Variants in RPAP2 observed in about 807,000 individuals in gnomAD.
RPAP2 encodes RNA polymerase II associated protein 2.
Under a neutral mutation model 73.1 loss-of-function variants are expected in RPAP2, and 52 were observed. The ratio of observed to expected loss-of-function variants is 0.71; its 90% CI spans 0.57 to 0.90. The LOEUF is 0.90. RPAP2 is among the 40% of genes least tolerant of loss of function. RPAP2 has a pLI of 0.00. For synonymous variants in RPAP2, 225 were observed against 242.1 expected (o/e 0.93, Z 0.65); for missense variants, 598 against 701.8 (o/e 0.85, Z 1.67).
intron 11 of RPAP2, among the ~76,000 whole-genome samples, chr1:92,362,892 A>T (rs1654788729): frequency 6.6e-6 from 1 of 152,124 alleles, no homozygotes. Flanking sequence ...TGCAGAAAAA[A>T]ATGTTGCTCT....
At position 92,307,492 on chromosome 1, in the gene RPAP2, A is replaced by C. The variant is rs556540984; in HGVS notation, c.488+216A>C. On this transcript the variant is annotated intron_variant, in intron 6 of 12. Transcript: ENST00000610020. ...ACAAATGTTATTTGTTTGTTGTTTT[A>C]GCTTTAATTGCAAAATCAGAACTTT... 1.8e-4 allele frequency among the ~76,000 whole-genome samples: 27 copies of C among 152,304 alleles called. No homozygotes were observed. The East Asian group carries it at 5.0e-3, about 28-fold the overall frequency.
chr1:92,316,892 ATTC>A (rs1172356297), intron 6 of RPAP2, among the ~76,000 whole-genome samples: 1 of 152,226 alleles, frequency 6.6e-6, no homozygotes, highest in Non-Finnish European at 1.5e-5. Flanking sequence ...GTCAGGTACC[ATTC>A]TTTATAGATT....
intron 3 of RPAP2, 117 bp from the exon 4 acceptor site, chr1:92,303,860 T>G: frequency 1.8e-6 from 1 of 565,682 alleles, no homozygotes; most frequent in Non-Finnish European, 2.9e-6. Flanking sequence ...CTCTAACTTA[T>G]GAGGAAGGTA....
chr1:92,322,927 CATAT>C (rs1652374371), intron 7 of RPAP2, among the ~76,000 whole-genome samples: 1 of 147,150 alleles, frequency 6.8e-6, no homozygotes, highest in African/African-American at 2.5e-5. Flanking sequence ...TTTTAAACTA[CATAT>C]ATACTTTATA....
At chr1:92,371,661 T>A (rs1655159179) in intron 11 of RPAP2, among the ~76,000 whole-genome samples, 1 of 151,548 alleles carries the variant, frequency 6.6e-6, no homozygotes, top group Non-Finnish European at 1.5e-5. Context: ...ATCTGGAGGA[T>A]GTTAAGTTAA....
chr1:92,374,240 G>C (rs981995002), intron 11 of RPAP2, among the ~76,000 whole-genome samples: 2 of 152,144 alleles, frequency 1.3e-5, no homozygotes, highest in Non-Finnish European at 2.9e-5. Flanking sequence ...TCTAGGAAGG[G>C]AGGAAGTGAT....
intron 10 of RPAP2, among the ~76,000 whole-genome samples, chr1:92,345,456 A>AGAGG (rs1491124615): frequency 7.7e-6 from 1 of 129,230 alleles, no homozygotes; most frequent in East Asian, 2.7e-4. Context: ...AGGGAGGGAC[A>AGAGG]GAGGGAGGGA....
chr1:92,329,622 A>G (rs934985897), intron 8 of RPAP2, among the ~76,000 whole-genome samples: 2 of 152,126 alleles, frequency 1.3e-5, no homozygotes, highest in Admixed American at 6.5e-5. Context: ...GAGTCTCCAC[A>G]TGCCGCTCTG....
intron 8 of RPAP2, among the ~76,000 whole-genome samples, chr1:92,331,738 T>C (rs1652981429): frequency 6.6e-6 from 1 of 152,166 alleles, no homozygotes; most frequent in South Asian, 2.1e-4. Context: ...TACTCTTTCA[T>C]TGTTTTTCAT....
Position 92,307,206 on chromosome 1 carries a change from T to C in RPAP2, c.418T>C (p.Cys140Arg). ...TERKSFCSNF[C>R]YQASKFFEAQ... ...TTTTCAGTCTTTTTGCAGCAATTTTTGTTATCAAGCATCTAAGTTTTTTGA... is the reference window on the plus strand; with the variant it reads ...TTTTCAGTCTTTTTGCAGCAATTTTCGTTATCAAGCATCTAAGTTTTTTGA... The change falls in exon 6 of 13, where the codon TGT becomes CGT. Residue 140 changes from cysteine (C) to arginine (R), a missense_variant. Physicochemically the swap from Cys to Arg is radical, Grantham distance 180. This residue lies in a region of RPAP2 where 506 missense variants were observed against 612.8 expected (regional missense o/e 0.83). Coordinates refer to ENST00000610020, the MANE Select transcript of RPAP2 (RefSeq NM_024813.3). 1 of 1,611,368 alleles carries C rather than the reference T, an allele frequency of 6.2e-7. No homozygotes were observed. Among genetic ancestry groups the C allele is most frequent in the African/African-American group, 1.3e-5 (1 of 74,924 alleles).
At chr1:92,355,025 A>T (rs1316771552) in intron 11 of RPAP2, among the ~76,000 whole-genome samples, 1 of 151,698 alleles carries the variant, frequency 6.6e-6, no homozygotes, top group Non-Finnish European at 1.5e-5. Flanking sequence ...CAACCTCCCA[A>T]GTAGCTGGGA....
chr1:92,351,855 T>C (rs955822604), intron 11 of RPAP2, among the ~76,000 whole-genome samples: 3 of 152,312 alleles, frequency 2.0e-5, no homozygotes, highest in African/African-American at 4.8e-5. Flanking sequence ...AAATTTAATA[T>C]AAAAGCTTTG....
At chr1:92,311,651 A>G (rs1343086400) in intron 6 of RPAP2, among the ~76,000 whole-genome samples, 1 of 152,184 alleles carries the variant, frequency 6.6e-6, no homozygotes, top group Non-Finnish European at 1.5e-5. Context: ...TCTTTCTTAC[A>G]TTATTGTGAA....
intron 8 of RPAP2, among the ~76,000 whole-genome samples, chr1:92,330,564 C>T (rs1449750017): frequency 6.7e-6 from 1 of 148,960 alleles, no homozygotes; most frequent in Non-Finnish European, 1.5e-5. Flanking sequence ...TTTCCTGCCT[C>T]AGCCTCCCAA....
chr1:92,305,658 A>G (rs1357858641), intron 5 of RPAP2, among the ~76,000 whole-genome samples: 1 of 152,084 alleles, frequency 6.6e-6, no homozygotes, highest in Non-Finnish European at 1.5e-5. Flanking sequence ...TATATGATCT[A>G]TAAGAAAAAG....
intron 10 of RPAP2, among the ~76,000 whole-genome samples, chr1:92,342,886 C>T (rs941157165): frequency 2.0e-5 from 3 of 152,162 alleles, no homozygotes; most frequent in South Asian, 2.1e-4. Flanking sequence ...GGATGAGGAG[C>T]CCAATTTTGG....
intron 6 of RPAP2, among the ~76,000 whole-genome samples, chr1:92,317,232 G>C (rs182943350): frequency 2.9e-4 from 44 of 152,202 alleles, no homozygotes; most frequent in Middle Eastern, 6.8e-3. Flanking sequence ...TTGAAGGCTC[G>C]GTGCGGTGGC....
In RPAP2 at chr1:92,400,054, C is replaced by G. The variant is rs1357438964; in HGVS notation, c.*13043C>G. 6.6e-6 allele frequency: 1 copy of G among 152,168 alleles called. No homozygotes were observed. Among genetic ancestry groups the G allele is most frequent in the African/African-American group, 2.4e-5 (1 of 41,444 alleles). The allele number at this position is 152,168 out of a possible 1,614,324, so 9.4% of individuals were successfully genotyped here. A position where few individuals can be genotyped will look rare whatever the true frequency, so the allele number is the denominator to read the frequency against. On this transcript the variant is annotated 3_prime_UTR_variant, in exon 13 of 13. Transcript: ENST00000610020. The stretch of plus-strand genomic sequence containing the variant: ...ACAAGATCAGCCAGTTTTAGCAGAG[C>G]AGTTGCTAAAACCCAGGTCTCAAAC...
At chr1:92,338,321 G>GGCC (rs1286735120) in intron 10 of RPAP2, among the ~76,000 whole-genome samples, 2 of 152,182 alleles carry the variant, frequency 1.3e-5, no homozygotes, top group African/African-American at 4.8e-5. Context: ...TCCTCAGATT[G>GGCC]GCCTTGGCCT....
Sources: gnomAD v4.1 joint callset for allele counts (sites outside exome capture counted in the v4.1 genomes callset) on GRCh38, gnomAD v4.1.1 for gene constraint, gnomAD v4.1.1 regional missense constraint, MANE v1.5 for transcripts, NCBI Gene and HGNC (gene_info 2026-07-23, HGNC 2026-07-21) for gene names.